TJP1: variants seen among roughly 807,000 people sequenced by gnomAD.
TJP1 encodes the protein tight junction protein 1, also known as tight junction protein ZO-1.
TJP1 carries 43 observed loss-of-function variants against 194.2 expected under a neutral mutation model. The observed-to-expected ratio is 0.22, with a 90% CI of 0.17 to 0.29. The LOEUF (loss-of-function observed/expected upper bound fraction) is 0.29. Among genes scored for constraint, TJP1 ranks in the 10% least tolerant of loss-of-function variants. The pLI is 1.00. For synonymous variants in TJP1, 801 were observed against 779.0 expected (o/e 1.03, Z -0.47); for missense variants, 1,971 against 2,185.7 (o/e 0.90, Z 1.96).
At chr15:29,949,643 A>ACCACCACCT (rs2055539086) in intron 2 of TJP1, among the ~76,000 whole-genome samples, 1 of 109,940 alleles carries the variant, frequency 9.1e-6, no homozygotes, top group Non-Finnish European at 1.9e-5. Flanking sequence ...CACCACCTCC[A>ACCACCACCT]CCACCACCAC....
intron 2 of TJP1, among the ~76,000 whole-genome samples, chr15:29,830,214 ACT>A (rs1300552603): frequency 6.6e-6 from 1 of 151,838 alleles, no homozygotes; most frequent in Non-Finnish European, 1.5e-5. Context: ...TAACACTATT[ACT>A]CTGAAACTGC....
chr15:29,957,042 C>T (rs550523948), intron 1 of TJP1, among the ~76,000 whole-genome samples: 1 of 152,036 alleles, frequency 6.6e-6, no homozygotes, highest in Admixed American at 6.5e-5. Flanking sequence ...CCTAGCACAC[C>T]CAGTACAAGT....
At chr15:29,890,153 G>A (rs1025122624) in intron 2 of TJP1, among the ~76,000 whole-genome samples, 47 of 152,080 alleles carry the variant, frequency 3.1e-4, no homozygotes, top group African/African-American at 9.7e-4. Context: ...CCGACCTTGA[G>A]TCCACCTCGC....
chr15:29,927,082 T>G (rs1301528655), intron 2 of TJP1, among the ~76,000 whole-genome samples: 1 of 152,072 alleles, frequency 6.6e-6, no homozygotes. Flanking sequence ...AAAAACATGA[T>G]AGTGAGGTGG....
chr15:29,911,616 A>T (rs937611194), intron 2 of TJP1, among the ~76,000 whole-genome samples: 3 of 152,050 alleles, frequency 2.0e-5, no homozygotes, highest in Admixed American at 2.0e-4. Context: ...AAACAACCAG[A>T]TCTTGTGAGA....
intron 1 of TJP1, among the ~76,000 whole-genome samples, chr15:29,821,780 C>T (rs1353021515): frequency 6.7e-6 from 1 of 149,588 alleles, no homozygotes; most frequent in African/African-American, 2.4e-5. Context: ...GCGCCCGCAG[C>T]CCCCTCCCCG....
chr15:29,767,976 TC>T (rs1215105081), intron 4 of TJP1, among the ~76,000 whole-genome samples: 1 of 152,204 alleles, frequency 6.6e-6, no homozygotes. Context: ...TTACCTAAAA[TC>T]TGTCCTCTAC....
At chr15:29,781,012 C>T (rs1480503) in intron 2 of TJP1, among the ~76,000 whole-genome samples, 120,821 of 151,874 alleles carry the variant, frequency 0.8, 48,542 homozygotes, top group East Asian at 0.86. Context: ...CTGAAGGAGC[C>T]AGGCACGAAA....
intron 2 of TJP1, among the ~76,000 whole-genome samples, chr15:29,880,796 A>G (rs1243592493): frequency 5.3e-5 from 8 of 152,212 alleles, no homozygotes; most frequent in Non-Finnish European, 8.8e-5. Context: ...AAGCCGAACA[A>G]TATTCCATTG....
At chr15:29,940,512 C>T (rs1305871373) in intron 2 of TJP1, among the ~76,000 whole-genome samples, 1 of 152,176 alleles carries the variant, frequency 6.6e-6, no homozygotes, top group African/African-American at 2.4e-5. Context: ...CTTTTGGGAA[C>T]AGAATGGTAT....
chr15:29,741,894 T>C (rs1001697726), intron 9 of TJP1, among the ~76,000 whole-genome samples: 4 of 152,174 alleles, frequency 2.6e-5, no homozygotes, highest in African/African-American at 9.7e-5. Context: ...TCTTAGCACC[T>C]TGCTGATTCT....
At position 29,871,458 on chromosome 15, in the gene TJP1, G is replaced by A. The variant is rs560658354; in HGVS notation, c.307-70756C>T. Among the ~76,000 whole-genome samples the A allele has an allele frequency of 3.3e-5, 5 of 152,352 alleles. No individual in the cohort carries two copies. The East Asian group carries it at 9.7e-4, about 29-fold the overall frequency. ...CCCGTGTAGCCCCCTCTCTGTGAAC[G>A]TAGGAGAAGCGAAGCCATTGGCTTT... On this transcript the variant is annotated intron_variant, in intron 2 of 28. Coordinates refer to the TJP1 transcript ENST00000356107.
chr15:29,919,668 G>A (rs546346358), intron 2 of TJP1, among the ~76,000 whole-genome samples: 1 of 152,146 alleles, frequency 6.6e-6, no homozygotes, highest in Non-Finnish European at 1.5e-5. Context: ...GGCATTTTGG[G>A]GGTCTGGAGA....
Position 29,718,803 on chromosome 15 carries a change from G to A in TJP1, c.3339C>T (p.Asp1113=), listed in dbSNP as rs749044471. Residue 1113 remains aspartate, a synonymous_variant, in exon 21 of 28, where the codon GAC becomes GAT. Coordinates refer to ENST00000614355, the MANE Select transcript of TJP1 (RefSeq NM_001330239.4). The stretch of plus-strand genomic sequence containing the variant: ...CTTCGGGATGCTGTCTGGAGTCAAG[G>A]TCTTGAGAGTGCTGATTATCAAAAG... ...RPPFDNQHSQ[D]LDSRQHPEES... 3.1e-6 allele frequency: 5 copies of A among 1,614,084 alleles called. No individual in the cohort carries two copies. The highest frequency in any genetic ancestry group is 4.2e-6 in the Non-Finnish European group (5 of 1,180,044).
intron 2 of TJP1, among the ~76,000 whole-genome samples, chr15:29,908,713 C>T (rs2053910415): frequency 6.6e-6 from 1 of 152,062 alleles, no homozygotes; most frequent in South Asian, 2.1e-4. Flanking sequence ...AGAAAATAAT[C>T]TCCTGGCTTT....
chr15:29,901,820 CAAAAAA>C (rs35491657), intron 2 of TJP1, among the ~76,000 whole-genome samples: 1 of 119,980 alleles, frequency 8.3e-6, no homozygotes, highest in African/African-American at 3.0e-5. Flanking sequence ...GACTCTATCT[CAAAAAA>C]AAAAAAAAAA....
At chr15:29,701,950 T>C (rs746498747) in intron 27 of TJP1, among the ~76,000 whole-genome samples, 7 of 152,242 alleles carry the variant, frequency 4.6e-5, no homozygotes, top group Non-Finnish European at 7.3e-5. Context: ...GTTTTTTGTT[T>C]TTTGTTTTTA....
At chr15:29,840,274 T>C (rs958422213) in intron 2 of TJP1, among the ~76,000 whole-genome samples, 23 of 152,198 alleles carry the variant, frequency 1.5e-4, no homozygotes, top group African/African-American at 5.3e-4. Flanking sequence ...TTTCCTCTTA[T>C]GGATTGTTTT....
chr15:29,949,459 TTCCA>T (rs2055478337), intron 2 of TJP1, among the ~76,000 whole-genome samples: 54 of 31,026 alleles, frequency 1.7e-3, no homozygotes, highest in Admixed American at 3.0e-3. Context: ...TCACCACCAC[TTCCA>T]CCACCACCAC....
Sources: gnomAD v4.1 joint callset for allele counts (sites outside exome capture counted in the v4.1 genomes callset) on GRCh38, gnomAD v4.1.1 for gene constraint, MANE v1.5 for transcripts, NCBI Gene and HGNC (gene_info 2026-07-23, HGNC 2026-07-21) for gene names.